The following CACNA1C variants were observed in gnomAD, a reference collection of about 807,000 sequenced individuals.
CACNA1C encodes the protein voltage-dependent L-type calcium channel subunit alpha-1C.
In CACNA1C, 30 loss-of-function variants were observed where a neutral mutation model predicts 229.0. That is an observed-to-expected ratio of 0.13 (90% CI 0.10 to 0.18). CACNA1C has a LOEUF of 0.18. CACNA1C is among the 10% of genes least tolerant of loss of function. The pLI is 1.00. For missense variants in CACNA1C, 1,658 were observed against 2,845.0 expected (o/e 0.58, Z 9.49); for synonymous variants, 1,114 against 1,132.5 (o/e 0.98, Z 0.33).
At chr12:2,648,396 G>A (rs1048233846) in intron 30 of CACNA1C, 79 bp from the exon 31 acceptor site, 34 of 1,331,250 alleles carry the variant, frequency 2.6e-5, no homozygotes, top group African/African-American at 1.9e-4. Flanking sequence ...TGTTGCTCCC[G>A]TGTCAGCCAA....
rs536244628 is a variant in CACNA1C, at chr12:2,066,351, A to G, written c.49+12740A>G. 4.6e-5 allele frequency among the ~76,000 whole-genome samples: 7 copies of G among 152,298 alleles called. No individual in the cohort carries two copies. In the South Asian group the frequency reaches 1.5e-3, roughly 32 times the overall value. On this transcript the variant is annotated intron_variant, in intron 1 of 46. Transcript: ENST00000399655. Reference sequence around the variant, plus strand: ...GAAGGAACGATGGAGAGCTGAAGACAGACAGGAGGAGGGTAAAATGGAGGA... The same window carrying G: ...GAAGGAACGATGGAGAGCTGAAGACGGACAGGAGGAGGGTAAAATGGAGGA...
intron 9 of CACNA1C, chr12:2,547,331 A>ATTC (rs2099883235): frequency 1.5e-6 from 1 of 652,898 alleles, no homozygotes; most frequent in Non-Finnish European, 2.8e-6. Flanking sequence ...TGTGATAAAA[A>ATTC]TGGATGTTCT....
chr12:2,655,147 G>A lies in CACNA1C; in HGVS notation c.4141G>A (p.Val1381Met). 1 of 1,598,798 alleles carries A rather than the reference G, an allele frequency of 6.3e-7. No individual in the cohort carries two copies. The highest frequency in any genetic ancestry group is 8.6e-7 in the Non-Finnish European group (1 of 1,166,220). The stretch of plus-strand genomic sequence containing the variant: ...AACACCTCTTCCTTCTCTCTCCTAG[G>A]TGTTTGGGAAAATTGCCCTGAATGA... ...FFIYAVIGMQ[V>M]FGKIALNDTT... Residue 1381 changes from valine (V) to methionine (M), a missense_variant and splice_region_variant, in exon 34 of 47, where the codon GTG becomes ATG. This residue lies in a region of CACNA1C where 151 missense variants were observed against 344.4 expected (regional missense o/e 0.44). Transcript: ENST00000399655.
Position 2,479,422 on chromosome 12 carries a change from C to T in CACNA1C, c.758-6682C>T, listed in dbSNP as rs2099655337. ...AGAGAAATCTATTTCTTTCAGATGA[C>T]ATCCAATTCTAAGAGGAAGGACTTG... On this transcript the variant is annotated intron_variant, in intron 5 of 46. Coordinates refer to ENST00000399655, the MANE Select transcript of CACNA1C (RefSeq NM_000719.7). The surrounding 1 kb of genome is among the most constrained non-coding windows in gnomAD (Gnocchi z 4.3). Among the ~76,000 whole-genome samples, 1 of 152,190 alleles carries T rather than the reference C, an allele frequency of 6.6e-6. No homozygotes were observed.
chr12:2,030,266 T>G (rs912102434), intron 1 of CACNA1C, among the ~76,000 whole-genome samples: 1 of 152,218 alleles, frequency 6.6e-6, no homozygotes, highest in African/African-American at 2.4e-5. Flanking sequence ...AATTCCTTTT[T>G]TAAGCTTGGA....
chr12:2,500,147 C>T (rs2099755958), intron 7 of CACNA1C, among the ~76,000 whole-genome samples: 1 of 152,190 alleles, frequency 6.6e-6, no homozygotes. Context: ...CCTGCCCTCG[C>T]CTGCTGTTCC....
intron 5 of CACNA1C, among the ~76,000 whole-genome samples, chr12:2,484,977 G>C (rs1199563392): frequency 6.6e-6 from 1 of 150,624 alleles, no homozygotes; most frequent in African/African-American, 2.5e-5. Context: ...AGCCTTGCGA[G>C]AATCACATCA....
At chr12:2,128,555 C>T (rs768705876) in intron 3 of CACNA1C, among the ~76,000 whole-genome samples, 5 of 152,088 alleles carry the variant, frequency 3.3e-5, no homozygotes, top group East Asian at 1.9e-4. Context: ...GGACTACACG[C>T]GCTCAGCACC....
chr12:2,542,064 GTAC>G (rs2099871850), intron 9 of CACNA1C, among the ~76,000 whole-genome samples: 2 of 152,194 alleles, frequency 1.3e-5, no homozygotes, highest in South Asian at 4.1e-4. Context: ...GGAAACGAGA[GTAC>G]AGCAGCGGGC....
chr12:2,276,580 T>C (rs573300785), intron 3 of CACNA1C, among the ~76,000 whole-genome samples: 55 of 152,298 alleles, frequency 3.6e-4, no homozygotes, highest in Middle Eastern at 6.8e-3. Context: ...CCATGGAGTA[T>C]AGTGAGAAAT....
intron 9 of CACNA1C, among the ~76,000 whole-genome samples, chr12:2,545,001 A>G (rs1413284830): frequency 6.6e-6 from 1 of 152,216 alleles, no homozygotes; most frequent in Non-Finnish European, 1.5e-5. Context: ...GTAGTGAATC[A>G]TACTAACAGA....
At chr12:1,989,135 A>C (rs2038668168) in intron 1 of CACNA1C, among the ~76,000 whole-genome samples, 1 of 152,040 alleles carries the variant, frequency 6.6e-6, no homozygotes, top group South Asian at 2.1e-4. Context: ...TGTAATGCCA[A>C]CTACTCAGGA....
intron 1 of CACNA1C, among the ~76,000 whole-genome samples, chr12:1,978,219 C>T (rs1336623848): frequency 6.6e-6 from 1 of 152,212 alleles, no homozygotes; most frequent in African/African-American, 2.4e-5. Context: ...ACTAGAAATG[C>T]AGACTCAACT....
chr12:2,076,612 A>G (rs1300227259), intron 1 of CACNA1C, among the ~76,000 whole-genome samples: 1 of 152,186 alleles, frequency 6.6e-6, no homozygotes, highest in Non-Finnish European at 1.5e-5. Context: ...AGGGATGTGA[A>G]AAGGCAACAG....
Position 2,605,856 on chromosome 12 carries a change from C to A in CACNA1C, c.3156+70C>A. The A allele has an allele frequency of 9.4e-7, 1 of 1,059,002 alleles. No individual in the cohort carries two copies. The highest frequency in any genetic ancestry group is 1.5e-6 in the Non-Finnish European group (1 of 677,326). The allele number at this position is 1,059,002 out of a possible 1,614,324, so 65.6% of individuals were successfully genotyped here. ...CAGCATTCCTGGGGAAGGGAACTGG[C>A]AGATATAGTACAAACGAGACAGTGT... On this transcript the variant is annotated intron_variant, in intron 24 of 46. Transcript: ENST00000399655. This position sits in a 1 kb window ranked among gnomAD's most constrained non-coding sequence, Gnocchi z 6.2.
intron 3 of CACNA1C, among the ~76,000 whole-genome samples, chr12:2,343,986 C>T (rs116940436): frequency 0.011 from 1,713 of 152,270 alleles, 24 homozygotes; most frequent in Middle Eastern, 0.041. Context: ...ATAGAGAAAA[C>T]GGTGCCACCT....
At position 2,119,176 on chromosome 12, in the gene CACNA1C, G is replaced by A. The variant is rs114253622; in HGVS notation, c.372-1149G>A. ...TTCCTCAGGCTCTCTGGGCCTCAGA[G>A]GGTTAGACTAGATCATCTCTAAGGT... On this transcript the variant is annotated intron_variant, in intron 2 of 46. Transcript: ENST00000399655. Among the ~76,000 whole-genome samples, 1,470 of 152,320 alleles carry A rather than the reference G, an allele frequency of 9.7e-3. 20 individuals carry two copies. The highest frequency in any genetic ancestry group is 0.033 in the African/African-American group (1,368 of 41,568).
intron 30 of CACNA1C, among the ~76,000 whole-genome samples, chr12:2,643,630 T>A (rs2093994234): frequency 6.6e-6 from 1 of 152,156 alleles, no homozygotes; most frequent in Non-Finnish European, 1.5e-5. Flanking sequence ...ACCCAGTGGC[T>A]CCAAGATTCA....
chr12:2,038,441 G>T (rs1353904383), intron 1 of CACNA1C, among the ~76,000 whole-genome samples: 1 of 152,124 alleles, frequency 6.6e-6, no homozygotes, highest in Non-Finnish European at 1.5e-5. Context: ...AAACTTCCCA[G>T]CTCAGTAAGC....
Sources: gnomAD v4.1 joint callset for allele counts (sites outside exome capture counted in the v4.1 genomes callset) on GRCh38, gnomAD v4.1.1 for gene constraint, gnomAD v4.1.1 regional missense constraint, Gnocchi (gnomAD v3.1) non-coding constraint, MANE v1.5 for transcripts, NCBI Gene and HGNC (gene_info 2026-07-23, HGNC 2026-07-21) for gene names.